Variants in USO1 observed in about 807,000 individuals in gnomAD.
The protein encoded by USO1 is general vesicular transport factor p115.
In USO1, 57 loss-of-function variants were observed where a neutral mutation model predicts 124.5. That is an observed-to-expected ratio of 0.46 (90% CI 0.37 to 0.57). The LOEUF (loss-of-function observed/expected upper bound fraction) is 0.57. Among genes scored for constraint, USO1 ranks in the 20% least tolerant of loss-of-function variants. The pLI, the probability that USO1 is intolerant of heterozygous loss-of-function variation, is 0.00. For missense variants in USO1, 900 were observed against 1,040.6 expected, an observed-to-expected ratio of 0.86 and a Z score of 1.86; for synonymous variants, 369 against 362.8, an observed-to-expected ratio of 1.02 and a Z score of -0.19.
intron 21 of USO1, among the ~76,000 whole-genome samples, chr4:75,809,755 T>C (rs324694): frequency 0.79 from 119,839 of 152,112 alleles, 47,551 homozygotes; most frequent in East Asian, 0.99. Flanking sequence ...TGAAGCTTCT[T>C]TCCAACTCCG....
Position 75,724,676 on chromosome 4 carries a change from G to T in USO1, c.-144G>T, listed in dbSNP as rs1297046121. On this transcript the variant is annotated 5_prime_UTR_variant, in exon 1 of 24. The change creates a premature stop within an existing upstream ORF in the 5' untranslated region. Transcript: ENST00000514213. ...GGCTGTTTCCGGGCTTAGAGGGCTG[G>T]AGTGGCCGCCGAGTTGGAGGCGGTG... is the stretch of plus-strand genomic sequence containing the variant. 3.0e-5 allele frequency: 23 copies of T among 762,062 alleles called. 1 individual carries two copies. Among genetic ancestry groups the T allele is most frequent in the Admixed American group, 2.2e-4 (8 of 36,158 alleles). The allele number at this position is 762,062 out of a possible 1,614,324, so 47.2% of individuals were successfully genotyped here.
At chr4:75,729,737 A>T (rs75595227) in intron 1 of USO1, among the ~76,000 whole-genome samples, 6 of 152,292 alleles carry the variant, frequency 3.9e-5, no homozygotes, top group Admixed American at 6.5e-5. Flanking sequence ...TCTGTTCTCA[A>T]GTTGGACCCC....
At chr4:75,752,485 G>C (rs953682093) in intron 2 of USO1, 26 bp downstream of exon 2, 19 of 398,190 alleles carry the variant, frequency 4.8e-5, no homozygotes, top group African/African-American at 3.1e-4. Context: ...AATGTTTTAA[G>C]TTTCTTAAGT....
chr4:75,810,094 A>T lies in USO1; in HGVS notation c.2476-338A>T, dbSNP rs569497294. ...GGGTGGTAGTATGGACTTATAGGAA[A>T]TTTATGAAGGAAAGGCTTTGAAAAA... On this transcript the variant is annotated intron_variant, in intron 21 of 23. Coordinates refer to ENST00000514213, the MANE Select transcript of USO1 (RefSeq NM_003715.4). Among the ~76,000 whole-genome samples, 200 of 152,340 alleles carry T rather than the reference A, an allele frequency of 1.3e-3. 1 individual carries two copies. The highest frequency in any genetic ancestry group is 4.7e-3 in the African/African-American group (196 of 41,568).
intron 4 of USO1, among the ~76,000 whole-genome samples, chr4:75,764,642 G>C (rs1001770076): frequency 3.9e-5 from 6 of 152,072 alleles, no homozygotes; most frequent in Admixed American, 3.9e-4. Flanking sequence ...TTTTAGATTA[G>C]TTTATAATTT....
intron 1 of USO1, among the ~76,000 whole-genome samples, chr4:75,734,955 C>T (rs1053758453): frequency 1.3e-5 from 2 of 151,856 alleles, no homozygotes; most frequent in African/African-American, 2.4e-5. Flanking sequence ...TTTCAAACTC[C>T]TTGCCTCAAG....
At chr4:75,794,015 T>C in intron 13 of USO1, 114 bp downstream of exon 13, 1 of 1,424,214 alleles carries the variant, frequency 7.0e-7, no homozygotes, top group Admixed American at 2.6e-5. Context: ...TTATTCTGTT[T>C]ATTAGTTCAT....
At chr4:75,764,047 A>C (rs1721696878) in intron 4 of USO1, among the ~76,000 whole-genome samples, 1 of 152,192 alleles carries the variant, frequency 6.6e-6, no homozygotes, top group Non-Finnish European at 1.5e-5. Context: ...CACTTTTTCA[A>C]ATTGACAGTG....
intron 1 of USO1, among the ~76,000 whole-genome samples, chr4:75,731,794 G>A (rs1720640649): frequency 6.6e-6 from 1 of 152,104 alleles, no homozygotes; most frequent in East Asian, 1.9e-4. Flanking sequence ...ATTAGAGTTA[G>A]CATTTTAATT....
At chr4:75,771,191 C>G in intron 7 of USO1, 54 bp downstream of exon 7, 2 of 1,523,596 alleles carry the variant, frequency 1.3e-6, no homozygotes, top group Admixed American at 4.5e-5. Flanking sequence ...TTTTCTCTTG[C>G]AAATGAAATC....
rs1301894516 is a variant in USO1, at chr4:75,813,873, C to T, written c.*578C>T. On this transcript the variant is annotated 3_prime_UTR_variant, in exon 24 of 24. Transcript: ENST00000514213. ...CACCTACATATGGCTGCATTCCATA[C>T]CTCAGTGAAGAAGCCGAAGGATGCT... 1 of 152,202 alleles carries T rather than the reference C, an allele frequency of 6.6e-6. No individual in the cohort carries two copies. The highest frequency in any genetic ancestry group is 2.4e-5 in the African/African-American group (1 of 41,430). The allele number at this position is 152,202 out of a possible 1,614,324, so 9.4% of individuals were successfully genotyped here.
rs1212878328 is a variant in USO1, at chr4:75,770,445, A to T, written c.302A>T (p.Asn101Ile). The T allele has an allele frequency of 6.4e-7, 1 of 1,551,828 alleles. No homozygotes were observed. The highest frequency in any genetic ancestry group is 8.7e-7 in the Non-Finnish European group (1 of 1,151,668). Residue 101 changes from asparagine (N) to isoleucine (I), a missense_variant, in exon 5 of 24, where the codon AAT (asparagine) becomes ATT (isoleucine). Around this residue, in one of 2 missense-constraint regions of USO1, gnomAD observed 538 missense variants for 681.6 expected, o/e 0.79. Coordinates refer to ENST00000514213, the MANE Select transcript of USO1 (RefSeq NM_003715.4). ...TTATTTTTGAATATTACAGAAGAAAATTCCACAAGACAGAGTGAAGATTTG... is the reference window on the plus strand; with the variant it reads ...TTATTTTTGAATATTACAGAAGAAATTTCCACAAGACAGAGTGAAGATTTG... ...SNEEEEEVEE[N>I]STRQSEDLGS...
intron 12 of USO1, among the ~76,000 whole-genome samples, chr4:75,792,608 A>G (rs1008048301): frequency 6.6e-6 from 1 of 152,082 alleles, no homozygotes; most frequent in African/African-American, 2.4e-5. Flanking sequence ...GAGGTGCGAG[A>G]ATCACCTGAG....
chr4:75,762,405 G>A (rs1721637903), intron 4 of USO1, among the ~76,000 whole-genome samples: 2 of 151,588 alleles, frequency 1.3e-5, no homozygotes, highest in African/African-American at 2.4e-5. Flanking sequence ...TTCATGATCC[G>A]CCCTTCTTGG....
chr4:75,799,494 G>A (rs1722780185), intron 13 of USO1, 128 bp from the exon 14 acceptor site: 1 of 1,058,302 alleles, frequency 9.4e-7, no homozygotes, highest in Non-Finnish European at 1.3e-6. Context: ...TTTTAAAACT[G>A]GATTTCTGGC....
At chr4:75,756,372 T>C (rs1721443167) in intron 3 of USO1, among the ~76,000 whole-genome samples, 1 of 152,016 alleles carries the variant, frequency 6.6e-6, no homozygotes, top group Non-Finnish European at 1.5e-5. Flanking sequence ...TAATCTTCTT[T>C]ATTCTATGAG....
chr4:75,725,149 G>A (rs1265303187), intron 1 of USO1, among the ~76,000 whole-genome samples: 1 of 152,240 alleles, frequency 6.6e-6, no homozygotes, highest in Non-Finnish European at 1.5e-5. Context: ...GGCTAGGAGA[G>A]TGGTCCGCAG....
chr4:75,808,383 A>C (rs1159946779), intron 20 of USO1, among the ~76,000 whole-genome samples: 1 of 152,194 alleles, frequency 6.6e-6, no homozygotes, highest in African/African-American at 2.4e-5. Flanking sequence ...CTGATGCCTA[A>C]GATTGAGACA....
intron 4 of USO1, among the ~76,000 whole-genome samples, chr4:75,760,365 A>G (rs1365641034): frequency 2.0e-5 from 3 of 152,240 alleles, no homozygotes; most frequent in Admixed American, 1.3e-4. Flanking sequence ...CTGTTTTACA[A>G]CCCTCTAATG....
Sources: gnomAD v4.1 joint callset for allele counts (sites outside exome capture counted in the v4.1 genomes callset) on GRCh38, gnomAD v4.1.1 for gene constraint, gnomAD v4.1.1 regional missense constraint, MANE v1.5 for transcripts, NCBI Gene and HGNC (gene_info 2026-07-23, HGNC 2026-07-21) for gene names.